Variants in SLC39A11 observed in about 807,000 individuals in gnomAD.
SLC39A11 encodes solute carrier family 39 member 11.
SLC39A11 carries 33 observed loss-of-function variants against 36.1 expected under a neutral mutation model. The ratio of observed to expected loss-of-function variants is 0.91; its 90% CI spans 0.69 to 1.22. The LOEUF is 1.22. Ranked by LOEUF, SLC39A11 falls within the 50% of genes most tolerant of loss-of-function variation. The probability of loss-of-function intolerance (pLI) is 0.00; values close to 1 mark genes in which losing one functional copy is unlikely to be tolerated. For synonymous variants in SLC39A11, 166 were observed against 170.3 expected (o/e 0.97, Z 0.20); for missense variants, 432 against 430.3 (o/e 1.00, Z -0.03).
chr17:72,936,290 C>T (rs180844466), intron 5 of SLC39A11, among the ~76,000 whole-genome samples: 87 of 151,860 alleles, frequency 5.7e-4, no homozygotes, highest in African/African-American at 2.0e-3. Flanking sequence ...GCACATTTTC[C>T]GAGATGATCC....
At chr17:72,876,315 C>T (rs534036579) in intron 5 of SLC39A11, among the ~76,000 whole-genome samples, 2 of 152,274 alleles carry the variant, frequency 1.3e-5, no homozygotes, top group African/African-American at 4.8e-5. Context: ...CTTCATATCC[C>T]CTGGCCCCAA....
intron 6 of SLC39A11, among the ~76,000 whole-genome samples, chr17:72,761,201 G>A (rs570390696): frequency 9.2e-5 from 14 of 152,096 alleles, no homozygotes; most frequent in Non-Finnish European, 1.6e-4. Context: ...TGCAACCTCC[G>A]CCTCTTGGGT....
chr17:72,702,262 T>C (rs1313867179), intron 7 of SLC39A11, among the ~76,000 whole-genome samples: 1 of 152,218 alleles, frequency 6.6e-6, no homozygotes, highest in Non-Finnish European at 1.5e-5. Context: ...TTTTTTTCTT[T>C]AGGCAGCACC....
At chr17:72,732,178 G>A (rs558339227) in intron 7 of SLC39A11, among the ~76,000 whole-genome samples, 4 of 147,936 alleles carry the variant, frequency 2.7e-5, no homozygotes, top group South Asian at 2.2e-4. Flanking sequence ...CACCACACCC[G>A]GCTAATTTTT....
At chr17:73,003,964 T>C (rs2089979023) in intron 4 of SLC39A11, among the ~76,000 whole-genome samples, 1 of 151,862 alleles carries the variant, frequency 6.6e-6, no homozygotes, top group Non-Finnish European at 1.5e-5. Flanking sequence ...TGCATGCCTG[T>C]AATCCCAGCT....
chr17:72,804,356 G>A (rs751087002), intron 6 of SLC39A11, among the ~76,000 whole-genome samples: 2 of 152,174 alleles, frequency 1.3e-5, no homozygotes, highest in Non-Finnish European at 2.9e-5. Context: ...GTAGCACACA[G>A]CCAGAGGAGG....
At chr17:72,850,256 C>T (rs1251067134) in intron 5 of SLC39A11, among the ~76,000 whole-genome samples, 1 of 151,468 alleles carries the variant, frequency 6.6e-6, no homozygotes, top group Non-Finnish European at 1.5e-5. Flanking sequence ...CGAGACCAGC[C>T]TGGGCAACAT....
At chr17:72,941,076 A>T (rs1290151628) in intron 5 of SLC39A11, among the ~76,000 whole-genome samples, 1 of 152,152 alleles carries the variant, frequency 6.6e-6, no homozygotes, top group Non-Finnish European at 1.5e-5. Flanking sequence ...GTTCAAGACC[A>T]GCCTGGGCAA....
intron 7 of SLC39A11, among the ~76,000 whole-genome samples, chr17:72,726,404 G>T (rs1012152158): frequency 6.6e-6 from 1 of 152,148 alleles, no homozygotes; most frequent in Non-Finnish European, 1.5e-5. Context: ...CCAGCTACTT[G>T]GGAGGCTGAG....
intron 6 of SLC39A11, among the ~76,000 whole-genome samples, chr17:72,768,273 A>G (rs1312767787): frequency 6.6e-6 from 1 of 152,240 alleles, no homozygotes; most frequent in African/African-American, 2.4e-5. Flanking sequence ...CTCACAAGGC[A>G]GTTGAGTTTC....
chr17:73,033,564 G>A (rs1343440358), intron 3 of SLC39A11, among the ~76,000 whole-genome samples: 2 of 152,088 alleles, frequency 1.3e-5, no homozygotes, highest in African/African-American at 2.4e-5. Flanking sequence ...GCAACATAGC[G>A]AGACTCTGCC....
intron 7 of SLC39A11, among the ~76,000 whole-genome samples, chr17:72,701,838 C>T (rs567122591): frequency 3.9e-4 from 14 of 36,076 alleles, no homozygotes; most frequent in African/African-American, 1.1e-3. Context: ...TGGTGGCTCA[C>T]GCCTGTAATC....
chr17:72,827,833 C>T (rs914829993), intron 6 of SLC39A11, among the ~76,000 whole-genome samples: 2 of 152,206 alleles, frequency 1.3e-5, no homozygotes, highest in Non-Finnish European at 2.9e-5. Flanking sequence ...TACACTGTAG[C>T]ACAGGCACTC....
At chr17:72,958,064 T>C (rs775443920) in intron 4 of SLC39A11, among the ~76,000 whole-genome samples, 3 of 152,094 alleles carry the variant, frequency 2.0e-5, no homozygotes, top group Non-Finnish European at 2.9e-5. Context: ...TAAACCCAAA[T>C]ACTTAAAGCC....
At chr17:72,923,778 G>GA (rs35795448) in intron 5 of SLC39A11, among the ~76,000 whole-genome samples, 44 of 152,022 alleles carry the variant, frequency 2.9e-4, no homozygotes, top group African/African-American at 7.0e-4. Flanking sequence ...ATTGAGGCGG[G>GA]AAAAAAAGAA....
At chr17:72,912,051 G>A (rs2083036890) in intron 5 of SLC39A11, among the ~76,000 whole-genome samples, 1 of 152,168 alleles carries the variant, frequency 6.6e-6, no homozygotes, top group Non-Finnish European at 1.5e-5. Flanking sequence ...CTCCTGGTGG[G>A]CATTGGTGCT....
chr17:73,015,267 C>A (rs995999548), intron 4 of SLC39A11, among the ~76,000 whole-genome samples: 1 of 152,178 alleles, frequency 6.6e-6, no homozygotes, highest in African/African-American at 2.4e-5. Flanking sequence ...ATCTCGGGCC[C>A]TCCCTGCCTT....
intron 6 of SLC39A11, among the ~76,000 whole-genome samples, chr17:72,835,328 C>A (rs1375566368): frequency 6.6e-6 from 1 of 152,188 alleles, no homozygotes; most frequent in African/African-American, 2.4e-5. Flanking sequence ...ACCTCCACAA[C>A]CAGAACCAGA....
Position 72,897,956 on chromosome 17 carries a change from G to C in SLC39A11, c.431-48152C>G, listed in dbSNP as rs371677377. Among the ~76,000 whole-genome samples, 5 of 152,224 alleles carry C rather than the reference G, an allele frequency of 3.3e-5. 1 individual carries two copies. Among genetic ancestry groups the C allele is most frequent in the Non-Finnish European group, 1.5e-5 (1 of 68,012 alleles). On this transcript the variant is annotated intron_variant, in intron 5 of 9. Coordinates refer to ENST00000255559, the MANE Select transcript of SLC39A11 (RefSeq NM_139177.4). ...GGGTAAAAGCAACAGGTACAGGACGGCTGGGGGAACAGGATCCACAGAAAC... is the reference window on the plus strand; with the variant it reads ...GGGTAAAAGCAACAGGTACAGGACGCCTGGGGGAACAGGATCCACAGAAAC...
Sources: gnomAD v4.1 joint callset for allele counts (sites outside exome capture counted in the v4.1 genomes callset) on GRCh38, gnomAD v4.1.1 for gene constraint, MANE v1.5 for transcripts, NCBI Gene and HGNC (gene_info 2026-07-23, HGNC 2026-07-21) for gene names.